The following ACSM1 variants were observed in gnomAD, a reference collection of about 807,000 sequenced individuals.
ACSM1 encodes acyl-CoA synthetase medium chain family member 1.
A neutral mutation model predicts 75.8 loss-of-function variants in ACSM1; 79 were observed. The ratio of observed to expected loss-of-function variants is 1.04; its 90% CI spans 0.87 to 1.26. ACSM1 has a LOEUF of 1.26. Ranked by LOEUF, ACSM1 falls within the 50% of genes most tolerant of loss-of-function variation. ACSM1 has a pLI of 0.00. For missense variants in ACSM1, 676 were observed against 720.1 expected (o/e 0.94, Z 0.70); for synonymous variants, 279 against 265.8 (o/e 1.05, Z -0.48).
intron 7 of ACSM1, among the ~76,000 whole-genome samples, chr16:20,646,571 C>T (rs973591828): frequency 3.3e-5 from 5 of 152,166 alleles, no homozygotes; most frequent in African/African-American, 4.8e-5. Context: ...CAAGAACAGA[C>T]AGTCACTAGA....
intron 6 of ACSM1, among the ~76,000 whole-genome samples, chr16:20,664,147 G>GTATTTATTTATTTATC (rs2019441459): frequency 6.9e-6 from 1 of 145,520 alleles, no homozygotes; most frequent in Non-Finnish European, 1.5e-5. Flanking sequence ...AAATTGAATA[G>GTATTTATTTATTTATC]TATTTATTTA....
At chr16:20,693,910 C>T (rs922094254) in intron 1 of ACSM1, among the ~76,000 whole-genome samples, 7 of 152,200 alleles carry the variant, frequency 4.6e-5, no homozygotes, top group Non-Finnish European at 1.5e-5. Flanking sequence ...TAAATAGTAA[C>T]TTCTCTTAAA....
intron 7 of ACSM1, among the ~76,000 whole-genome samples, chr16:20,647,732 G>A (rs2018442082): frequency 6.6e-6 from 1 of 152,050 alleles, no homozygotes; most frequent in South Asian, 2.1e-4. Context: ...AAGAGAAAGG[G>A]GGCATGTTGG....
At chr16:20,674,196 T>C in intron 4 of ACSM1, 1 of 362,846 alleles carries the variant, frequency 2.8e-6, no homozygotes, top group East Asian at 8.6e-5. Flanking sequence ...GAGAAAGAGG[T>C]GGAGTCCTTT....
At chr16:20,650,204 A>C (rs1179675697) in intron 7 of ACSM1, among the ~76,000 whole-genome samples, 1 of 152,132 alleles carries the variant, frequency 6.6e-6, no homozygotes, top group Non-Finnish European at 1.5e-5. Context: ...TTCTAAATGG[A>C]ATTCTCTCCT....
intron 5 of ACSM1, 67 bp downstream of exon 5, chr16:20,671,464 C>CAT (rs2019891969): frequency 1.4e-6 from 2 of 1,457,274 alleles, no homozygotes; most frequent in Non-Finnish European, 9.3e-7. Context: ...CACACACACA[C>CAT]ACACACACAC....
rs1393542054 is a variant in ACSM1, at chr16:20,640,688, C to T, written c.993-104G>A. ...GATCATTCATCCTTCTAGTTCCTCA[C>T]TTTCTTATTTACTTTTTGGTCATTT... On this transcript the variant is annotated intron_variant, in intron 7 of 13. Coordinates refer to ENST00000520010, the MANE Select transcript of ACSM1 (RefSeq NM_001318890.3). 6 of 1,539,178 alleles carry T rather than the reference C, an allele frequency of 3.9e-6. 1 individual carries two copies. In the South Asian group the frequency reaches 7.4e-5, roughly 19 times the overall value.
chr16:20,681,152 A>G (rs1254488854), intron 4 of ACSM1: 1 of 152,244 alleles, frequency 6.6e-6, no homozygotes, highest in Non-Finnish European at 1.5e-5. Flanking sequence ...GCTCAACTGC[A>G]TCATAAGGTT....
chr16:20,643,415 G>A (rs1191802094), intron 7 of ACSM1, among the ~76,000 whole-genome samples: 5 of 152,118 alleles, frequency 3.3e-5, no homozygotes, highest in African/African-American at 9.7e-5. Flanking sequence ...TCTTGGTCTC[G>A]CTGACTTCAA....
chr16:20,669,901 C>T lies in ACSM1; in HGVS notation c.838G>A (p.Val280Ile), dbSNP rs368170219. Residue 280 changes from valine to isoleucine, a missense_variant, in exon 6 of 14, where the codon GTA (valine) becomes ATA (isoleucine). Physicochemically the swap from Val to Ile is conservative, Grantham distance 29 (BLOSUM62 3). Coordinates refer to ENST00000520010, the MANE Select transcript of ACSM1 (RefSeq NM_001318890.3). ...GWIVATIWTLVEPWTAGCTVF... is the reference protein window; with the variant it reads ...GWIVATIWTLIEPWTAGCTVF... The stretch of plus-strand genomic sequence containing the variant: ...GTACAACCCGCTGTCCATGGTTCTA[C>T]CAGGGTCCAAATGGTAGCCACAATC... 7 of 1,613,932 alleles carry T rather than the reference C, an allele frequency of 4.3e-6. No homozygotes were observed. The highest frequency in any genetic ancestry group is 5.9e-6 in the Non-Finnish European group (7 of 1,179,912).
chr16:20,636,508 C>G (rs1246925214), intron 10 of ACSM1, among the ~76,000 whole-genome samples: 1 of 152,162 alleles, frequency 6.6e-6, no homozygotes, highest in Non-Finnish European at 1.5e-5. Flanking sequence ...CATTGAAACC[C>G]AAGTCTGATG....
At chr16:20,658,888 C>A (rs1223498641) in intron 7 of ACSM1, among the ~76,000 whole-genome samples, 3 of 152,078 alleles carry the variant, frequency 2.0e-5, no homozygotes, top group Admixed American at 2.0e-4. Context: ...TTGAAATAAC[C>A]CTTAATAAGT....
At chr16:20,633,868 TAA>T (rs2017497170) in intron 10 of ACSM1, among the ~76,000 whole-genome samples, 1 of 152,020 alleles carries the variant, frequency 6.6e-6, no homozygotes, top group Non-Finnish European at 1.5e-5. Flanking sequence ...CTGTCTCTAC[TAA>T]AAATACAAAA....
intron 11 of ACSM1, among the ~76,000 whole-genome samples, chr16:20,626,158 G>A (rs1321507834): frequency 6.6e-6 from 1 of 151,804 alleles, no homozygotes; most frequent in Non-Finnish European, 1.5e-5. Context: ...GGCTGAAACA[G>A]GGGGATCAAT....
At chr16:20,665,209 G>A (rs927774562) in intron 6 of ACSM1, among the ~76,000 whole-genome samples, 1 of 152,036 alleles carries the variant, frequency 6.6e-6, no homozygotes, top group Non-Finnish European at 1.5e-5. Flanking sequence ...GAAACTGAGA[G>A]CTTGTTTTTC....
intron 7 of ACSM1, among the ~76,000 whole-genome samples, chr16:20,644,321 G>A (rs1233342709): frequency 1.3e-5 from 2 of 152,222 alleles, no homozygotes; most frequent in East Asian, 3.8e-4. Flanking sequence ...CTAAGGAAGA[G>A]AAAAGCAAAA....
chr16:20,671,452 C>T, intron 5 of ACSM1, 79 bp downstream of exon 5: 2 of 1,277,566 alleles, frequency 1.6e-6, no homozygotes, highest in Non-Finnish European at 2.1e-6. Context: ...CACACACACA[C>T]ACACACACAC....
chr16:20,638,699 C>T lies in ACSM1; in HGVS notation c.1117-1248G>A, dbSNP rs56779344. Among the ~76,000 whole-genome samples the T allele has an allele frequency of 2.9e-3, 445 of 152,306 alleles. 3 individuals are homozygous for T. The highest frequency in any genetic ancestry group is 0.01 in the African/African-American group (421 of 41,574). On this transcript the variant is annotated intron_variant, in intron 8 of 13. Coordinates refer to ENST00000520010, the MANE Select transcript of ACSM1 (RefSeq NM_001318890.3). ...ACATAATATCCTTATGGTCTTCAAGCTGTAATTGGCAGAGCTGAGACTTGG... is the reference window on the plus strand; with the variant it reads ...ACATAATATCCTTATGGTCTTCAAGTTGTAATTGGCAGAGCTGAGACTTGG...
At chr16:20,694,096 A>G (rs1222778269) in intron 1 of ACSM1, among the ~76,000 whole-genome samples, 1 of 152,200 alleles carries the variant, frequency 6.6e-6, no homozygotes, top group African/African-American at 2.4e-5. Context: ...TGCTTATTTA[A>G]AAGTGTTTTA....
Sources: gnomAD v4.1 joint callset for allele counts (sites outside exome capture counted in the v4.1 genomes callset) on GRCh38, gnomAD v4.1.1 for gene constraint, MANE v1.5 for transcripts, NCBI Gene and HGNC (gene_info 2026-07-23, HGNC 2026-07-21) for gene names.